The following ENOX1 variants were observed in gnomAD, a reference collection of about 807,000 sequenced individuals.
The protein encoded by ENOX1 is ecto-NOX disulfide-thiol exchanger 1.
ENOX1 carries 42 observed loss-of-function variants against 82.5 expected under a neutral mutation model. That is an observed-to-expected ratio of 0.51 (90% CI 0.40 to 0.66). The LOEUF (loss-of-function observed/expected upper bound fraction) is 0.66, where lower values mean the gene tolerates loss of function less well. Among genes scored for constraint, ENOX1 ranks in the 30% least tolerant of loss-of-function variants. The pLI is 0.00. For synonymous variants in ENOX1, 271 were observed against 282.2 expected (o/e 0.96, Z 0.40); for missense variants, 608 against 811.6 (o/e 0.75, Z 3.05).
At chr13:43,767,495 G>T (rs1426981017) in intron 1 of ENOX1, among the ~76,000 whole-genome samples, 4 of 152,190 alleles carry the variant, frequency 2.6e-5, no homozygotes, top group Admixed American at 2.6e-4. Context: ...GCCAAATAGG[G>T]CAGGCAGCAA....
chr13:43,227,766 C>T (rs551937822), intron 15 of ENOX1, among the ~76,000 whole-genome samples: 4 of 152,216 alleles, frequency 2.6e-5, no homozygotes, highest in East Asian at 3.9e-4. Context: ...AAGCCATTAG[C>T]TTTTCCTTAT....
intron 5 of ENOX1, among the ~76,000 whole-genome samples, chr13:43,383,368 G>A (rs1271636770): frequency 6.6e-6 from 1 of 152,074 alleles, no homozygotes; most frequent in African/African-American, 2.4e-5. Flanking sequence ...CGGTAATAAT[G>A]ATTCAAGGCA....
intron 14 of ENOX1, among the ~76,000 whole-genome samples, chr13:43,264,832 A>G (rs186404512): frequency 6.6e-6 from 1 of 152,374 alleles, no homozygotes; most frequent in Non-Finnish European, 1.5e-5. Context: ...TTGGATATTC[A>G]AGGAACACTA....
At chr13:43,471,069 T>C (rs1321726863) in intron 3 of ENOX1, among the ~76,000 whole-genome samples, 1 of 152,220 alleles carries the variant, frequency 6.6e-6, no homozygotes. Context: ...AGAATGTTTA[T>C]AGAAGCTCAT....
chr13:43,728,907 A>G (rs912380280), intron 1 of ENOX1, among the ~76,000 whole-genome samples: 1 of 152,228 alleles, frequency 6.6e-6, no homozygotes, highest in African/African-American at 2.4e-5. Context: ...TATGGAAAGT[A>G]TCATTAAGAA....
At chr13:43,488,791 A>G (rs1034328259) in intron 2 of ENOX1, among the ~76,000 whole-genome samples, 2 of 152,226 alleles carry the variant, frequency 1.3e-5, no homozygotes, top group African/African-American at 4.8e-5. Context: ...TTGAGATCTC[A>G]GATGGACATA....
chr13:43,291,850 G>T (rs2046017887), intron 12 of ENOX1, among the ~76,000 whole-genome samples: 1 of 152,192 alleles, frequency 6.6e-6, no homozygotes, highest in Admixed American at 6.5e-5. Context: ...AGTTCCAGGA[G>T]TTCCTAGTGT....
chr13:43,235,731 C>CAA (rs558553513), intron 15 of ENOX1, among the ~76,000 whole-genome samples: 275 of 82,594 alleles, frequency 3.3e-3, no homozygotes, highest in African/African-American at 8.2e-3. Context: ...GACCCTGTCT[C>CAA]AAAAAAAAAA....
chr13:43,316,423 A>C (rs1473772782), intron 11 of ENOX1, among the ~76,000 whole-genome samples: 1 of 152,218 alleles, frequency 6.6e-6, no homozygotes, highest in African/African-American at 2.4e-5. Context: ...GAGAGATGTC[A>C]AGAATCATGG....
At chr13:43,316,991 G>A (rs2153522468) in intron 11 of ENOX1, among the ~76,000 whole-genome samples, 1 of 152,310 alleles carries the variant, frequency 6.6e-6, no homozygotes, top group African/African-American at 2.4e-5. Context: ...GGTCAGTGAT[G>A]GACACACCCC....
At chr13:43,782,345 G>A (rs1007225548) in intron 1 of ENOX1, among the ~76,000 whole-genome samples, 2 of 152,166 alleles carry the variant, frequency 1.3e-5, no homozygotes, top group Admixed American at 6.5e-5. Context: ...ATTAATCCTA[G>A]TGGATCTGAA....
chr13:43,559,058 G>A (rs1388321690), intron 2 of ENOX1, among the ~76,000 whole-genome samples: 1 of 152,122 alleles, frequency 6.6e-6, no homozygotes. Context: ...GTAAAAATAT[G>A]TTACCAGAGA....
intron 8 of ENOX1, among the ~76,000 whole-genome samples, chr13:43,348,721 G>A (rs956686869): frequency 2.0e-5 from 3 of 152,172 alleles, no homozygotes; most frequent in African/African-American, 4.8e-5. Flanking sequence ...CACTGTAATG[G>A]TACAGCAGTG....
chr13:43,502,221 T>C (rs73474071), intron 2 of ENOX1, among the ~76,000 whole-genome samples: 1,753 of 151,660 alleles, frequency 0.012, 42 homozygotes, highest in African/African-American at 0.04. Context: ...GGAGAGCTAA[T>C]AAGTAATCAA....
At chr13:43,313,982 G>T (rs369562598) in intron 11 of ENOX1, among the ~76,000 whole-genome samples, 1 of 152,138 alleles carries the variant, frequency 6.6e-6, no homozygotes, top group African/African-American at 2.4e-5. Flanking sequence ...AACTTAAAGG[G>T]GGCTCATTAA....
chr13:43,681,335 G>A lies in ENOX1; in HGVS notation c.-284-13791C>T, dbSNP rs200651570. Among the ~76,000 whole-genome samples the A allele has an allele frequency of 5.3e-5, 8 of 152,208 alleles. No individual in the cohort carries two copies. The East Asian group carries it at 1.4e-3, about 26-fold the overall frequency. On this transcript the variant is annotated intron_variant, in intron 1 of 16. Transcript: ENST00000690772. ...AAGACAAAGACATTTGTCCTGGGTT[G>A]TATAGCTCTATAATGGCACAAACAA...
intron 2 of ENOX1, among the ~76,000 whole-genome samples, chr13:43,580,767 T>C (rs1319253778): frequency 6.6e-6 from 1 of 152,224 alleles, no homozygotes; most frequent in Non-Finnish European, 1.5e-5. Context: ...TAGGTAAGGT[T>C]ACAGCCTCTC....
intron 1 of ENOX1, among the ~76,000 whole-genome samples, chr13:43,724,899 T>A (rs1493527): frequency 1 from 151,732 of 152,338 alleles, 75,566 homozygotes; most frequent in East Asian, 1. Context: ...ACCCTGCTTC[T>A]TCTTGCTATG....
At chr13:43,667,631 AG>A in intron 1 of ENOX1, 87 bp from the exon 2 acceptor site, 1 of 345,188 alleles carries the variant, frequency 2.9e-6, no homozygotes, top group South Asian at 1.2e-4. Flanking sequence ...AGCAGATGCA[AG>A]GTTTCGCCTG....
Sources: allele counts gnomAD v4.1 joint callset (sites outside exome capture counted in the v4.1 genomes callset), GRCh38; gene constraint gnomAD v4.1.1; transcripts MANE v1.5; gene names NCBI Gene and HGNC (gene_info 2026-07-23, HGNC 2026-07-21).